ATG4B: variants seen among roughly 807,000 people sequenced by gnomAD.
ATG4B encodes autophagy related 4B cysteine peptidase, also known as cysteine protease ATG4B.
Under a neutral mutation model 56.6 loss-of-function variants are expected in ATG4B, and 29 were observed. The ratio of observed to expected loss-of-function variants is 0.51; its 90% CI spans 0.38 to 0.70. ATG4B has a LOEUF of 0.70. Ranked by LOEUF, ATG4B falls within the 30% of genes least tolerant of loss-of-function variation. The pLI is 0.00. For missense variants in ATG4B, 461 were observed against 515.5 expected (o/e 0.89, Z 1.02); for synonymous variants, 224 against 206.1 (o/e 1.09, Z -0.74).
At chr2:241,637,926 C>T (rs938346429) in intron 1 of ATG4B, among the ~76,000 whole-genome samples, 2 of 151,444 alleles carry the variant, frequency 1.3e-5, no homozygotes, top group African/African-American at 2.4e-5. Context: ...CGGCGGCGCA[C>T]TGCGCCGCGG....
chr2:241,660,899 C>T (rs963948246), intron 7 of ATG4B, among the ~76,000 whole-genome samples: 1 of 152,184 alleles, frequency 6.6e-6, no homozygotes, highest in African/African-American at 2.4e-5. Flanking sequence ...TCCCTGGCCT[C>T]GGATTAGGGA....
chr2:241,668,359 G>A lies in ATG4B; in HGVS notation c.811+138G>A. On this transcript the variant is annotated intron_variant, in intron 9 of 12. Coordinates refer to ENST00000404914, the MANE Select transcript of ATG4B (RefSeq NM_013325.5). This position sits in a 1 kb window ranked among gnomAD's most constrained non-coding sequence, Gnocchi z 4.2. ...TGCCCTGGGGTTCATTTTCAGCCTG[G>A]TCGCGGGCGGCCTCCTGTGTGCCCC... The A allele has an allele frequency of 7.3e-7, 1 of 1,368,056 alleles. No homozygotes were observed. Among genetic ancestry groups the A allele is most frequent in the East Asian group, 2.5e-5 (1 of 39,980 alleles). 84.7% of individuals were successfully genotyped at this position (1,368,056 alleles called of 1,614,324 possible).
intron 1 of ATG4B, among the ~76,000 whole-genome samples, chr2:241,646,263 C>T (rs1310372863): frequency 6.6e-6 from 1 of 152,188 alleles, no homozygotes; most frequent in African/African-American, 2.4e-5. Context: ...GCCTCGTGAC[C>T]CTGCTTTCAG....
chr2:241,654,501 T>G, intron 4 of ATG4B, 45 bp from the exon 5 acceptor site: 1 of 1,371,822 alleles, frequency 7.3e-7, no homozygotes, highest in Non-Finnish European at 1.0e-6. Flanking sequence ...AAAACTTGTT[T>G]CTCATATTTA....
At position 241,668,453 on chromosome 2, in the gene ATG4B, G is replaced by A; in HGVS notation, c.812-87G>A. On this transcript the variant is annotated intron_variant, in intron 9 of 12. Coordinates refer to ENST00000404914, the MANE Select transcript of ATG4B (RefSeq NM_013325.5). This position sits in a 1 kb window ranked among gnomAD's most constrained non-coding sequence, Gnocchi z 4.2. ...GCCCACTGCTTCTCAGTGTGATGTG[G>A]GTGCAGTGGGTCTGAAATGCGGCCT... 2 of 1,516,354 alleles carry A rather than the reference G, an allele frequency of 1.3e-6. No individual in the cohort carries two copies. The highest frequency in any genetic ancestry group is 4.9e-5 in the East Asian group (2 of 41,084). The allele number at this position is 1,516,354 out of a possible 1,614,324, so 93.9% of individuals were successfully genotyped here.
Position 241,673,725 on chromosome 2 carries a change from T to C in ATG4B, c.*1461T>C, listed in dbSNP as rs1471811337. The C allele has an allele frequency of 1.1e-5, 5 of 455,260 alleles. No individual in the cohort carries two copies. Among genetic ancestry groups the C allele is most frequent in the Non-Finnish European group, 2.2e-5 (5 of 227,028 alleles). The allele number at this position is 455,260 out of a possible 1,614,324, so 28.2% of individuals were successfully genotyped here. ...TGCTGGGAGCTGCAGTGGTAATGTGTGGGACACCTTGACCAAAGGGGAGCT... is the reference window on the plus strand; with the variant it reads ...TGCTGGGAGCTGCAGTGGTAATGTGCGGGACACCTTGACCAAAGGGGAGCT... On this transcript the variant is annotated 3_prime_UTR_variant, in exon 13 of 13. Transcript: ENST00000404914.
At chr2:241,644,690 C>G (rs2068009666) in intron 1 of ATG4B, among the ~76,000 whole-genome samples, 1 of 152,128 alleles carries the variant, frequency 6.6e-6, no homozygotes, top group Admixed American at 6.5e-5. Flanking sequence ...TGGCTCATGC[C>G]TGTAATCCCA....
Position 241,671,340 on chromosome 2 carries a change from T to C in ATG4B, c.1043T>C (p.Met348Thr). The C allele has an allele frequency of 6.2e-7, 1 of 1,613,564 alleles. No homozygotes were observed. The highest frequency in any genetic ancestry group is 1.3e-5 in the African/African-American group (1 of 74,976). Residue 348 changes from methionine to threonine, a missense_variant, in exon 12 of 13, where the codon ATG (methionine) becomes ACG (threonine). Transcript: ENST00000404914. The part of the protein sequence containing the change: ...KLSLLGGALP[M>T]FELVELQPSH... ...TCTCTGCTTGGAGGTGCCCTGCCCA[T>C]GTTTGAGCTGGTGGAGCTGCAGCCT...
rs1451009791 is a variant in ATG4B, at chr2:241,661,358, C to T, written c.538+2171C>T. On this transcript the variant is annotated intron_variant, in intron 7 of 12. Coordinates refer to ENST00000404914, the MANE Select transcript of ATG4B (RefSeq NM_013325.5). ...TGGGTTTCTGGGTTCCTGAGTGTGG[C>T]GTGGTGTTGTGAGGAGGACATCGGG... 2.6e-5 allele frequency among the ~76,000 whole-genome samples: 4 copies of T among 152,254 alleles called. No homozygotes were observed. The East Asian group carries it at 5.8e-4, about 22-fold the overall frequency.
chr2:241,660,019 G>A (rs1256273167), intron 7 of ATG4B, among the ~76,000 whole-genome samples: 1 of 152,066 alleles, frequency 6.6e-6, no homozygotes, highest in Non-Finnish European at 1.5e-5. Flanking sequence ...GTGAAACCCC[G>A]TCTCTACTAA....
intron 8 of ATG4B, among the ~76,000 whole-genome samples, chr2:241,667,530 G>A (rs2068817183): frequency 6.6e-6 from 1 of 151,460 alleles, no homozygotes; most frequent in Non-Finnish European, 1.5e-5. Context: ...CTTGAACCCA[G>A]GAGGCGGAGC....
chr2:241,672,157 A>C (rs567902317), intron 12 of ATG4B, 34 bp from the exon 13 acceptor site: 2 of 1,556,710 alleles, frequency 1.3e-6, no homozygotes, highest in African/African-American at 2.7e-5. Context: ...GGCCCACCCA[A>C]GATGCCTGAT....
chr2:241,656,951 G>A (rs1259704829), intron 6 of ATG4B, among the ~76,000 whole-genome samples: 4 of 152,034 alleles, frequency 2.6e-5, no homozygotes, highest in South Asian at 2.1e-4. Context: ...GTGAGCCACC[G>A]TGCCTGGCCA....
chr2:241,645,985 G>A (rs572855829), intron 1 of ATG4B, among the ~76,000 whole-genome samples: 67 of 152,296 alleles, frequency 4.4e-4, no homozygotes, highest in Admixed American at 9.8e-4. Flanking sequence ...GCCAAGCACC[G>A]TGATTGCTCC....
At chr2:241,637,971 TC>T (rs2067727086) in intron 1 of ATG4B, among the ~76,000 whole-genome samples, 1 of 151,582 alleles carries the variant, frequency 6.6e-6, no homozygotes, top group Non-Finnish European at 1.5e-5. Context: ...CTTCTGCTTT[TC>T]CGGTCCCGTC....
intron 1 of ATG4B, among the ~76,000 whole-genome samples, chr2:241,642,320 A>G (rs1328459724): frequency 1.3e-5 from 2 of 151,906 alleles, no homozygotes; most frequent in African/African-American, 4.8e-5. Flanking sequence ...CTAAATTTGG[A>G]GTTCCTTTCT....
Position 241,672,468 on chromosome 2 carries a change from G to A in ATG4B, c.*204G>A, listed in dbSNP as rs960056884. Reference sequence around the variant, plus strand: ...TCAGACTGCCCAGCTCAGAGTGCCCGTCAGGGCCTGTGCATCCGCACGCGG... The same window carrying A: ...TCAGACTGCCCAGCTCAGAGTGCCCATCAGGGCCTGTGCATCCGCACGCGG... On this transcript the variant is annotated 3_prime_UTR_variant, in exon 13 of 13. Transcript: ENST00000404914. 2.7e-5 allele frequency: 16 copies of A among 596,788 alleles called. No individual in the cohort carries two copies. The highest frequency in any genetic ancestry group is 1.2e-4 in the South Asian group (6 of 50,238). 37.0% of individuals were successfully genotyped at this position (596,788 alleles called of 1,614,324 possible).
intron 8 of ATG4B, 68 bp downstream of exon 8, chr2:241,666,906 G>GTGA (rs1191132732): frequency 4.0e-6 from 6 of 1,497,472 alleles, no homozygotes; most frequent in Non-Finnish European, 5.4e-6. Context: ...GTCACTTTCA[G>GTGA]CGCATCGTCG....
In ATG4B at chr2:241,668,100, G is replaced by C. The variant is rs1380873894; in HGVS notation, c.733-43G>C. ...ATGGCAGTGGGTGGGGGGACCGTCT[G>C]CTCCCACCTGGGACCTGTGCTCAGT... On this transcript the variant is annotated intron_variant, in intron 8 of 12. Coordinates refer to ENST00000404914, the MANE Select transcript of ATG4B (RefSeq NM_013325.5). This position sits in a 1 kb window ranked among gnomAD's most constrained non-coding sequence, Gnocchi z 4.2. The C allele has an allele frequency of 1.3e-6, 2 of 1,550,904 alleles. No individual in the cohort carries two copies. The highest frequency in any genetic ancestry group is 3.9e-5 in the Admixed American group (2 of 51,768).
Sources: allele counts gnomAD v4.1 joint callset (sites outside exome capture counted in the v4.1 genomes callset), GRCh38; gene constraint gnomAD v4.1.1; non-coding constraint Gnocchi (gnomAD v3.1); transcripts MANE v1.5; gene names NCBI Gene and HGNC (gene_info 2026-07-23, HGNC 2026-07-21).